ADCY8: variants seen among roughly 807,000 people sequenced by gnomAD.
ADCY8 encodes the protein adenylate cyclase 8.
ADCY8 carries 51 observed loss-of-function variants against 119.7 expected under a neutral mutation model. The ratio of observed to expected loss-of-function variants is 0.43; its 90% CI spans 0.34 to 0.54. The LOEUF is 0.54. Ranked by LOEUF, ADCY8 falls within the 20% of genes least tolerant of loss-of-function variation. ADCY8 has a pLI of 0.03. For missense variants in ADCY8, 1,383 were observed against 1,598.8 expected, an observed-to-expected ratio of 0.87 and a Z score of 2.30; for synonymous variants, 665 against 651.0, an observed-to-expected ratio of 1.02 and a Z score of -0.33.
At chr8:130,850,098 A>C (rs1817470931) in intron 9 of ADCY8, among the ~76,000 whole-genome samples, 1 of 152,132 alleles carries the variant, frequency 6.6e-6, no homozygotes, top group African/African-American at 2.4e-5. Context: ...TCATGGCAAC[A>C]CACCACTCTA....
chr8:130,805,263 A>G (rs1056022221), intron 14 of ADCY8, among the ~76,000 whole-genome samples: 2 of 152,216 alleles, frequency 1.3e-5, no homozygotes, highest in South Asian at 4.1e-4. Context: ...TCTATGGGGA[A>G]ACTGGGGGAT....
intron 2 of ADCY8, among the ~76,000 whole-genome samples, chr8:130,967,495 A>G (rs1821796547): frequency 6.6e-6 from 1 of 152,244 alleles, no homozygotes; most frequent in Non-Finnish European, 1.5e-5. Context: ...AGGATTGTTT[A>G]GACTAAATGA....
intron 2 of ADCY8, among the ~76,000 whole-genome samples, chr8:130,957,935 A>G (rs6470872): frequency 0.98 from 149,769 of 152,332 alleles, 73,637 homozygotes; most frequent in African/African-American, 1. Context: ...CAGGGATGGG[A>G]CATTCATGGA....
At chr8:130,862,080 A>T (rs567653403) in intron 9 of ADCY8, among the ~76,000 whole-genome samples, 5 of 152,178 alleles carry the variant, frequency 3.3e-5, no homozygotes, top group African/African-American at 9.6e-5. Flanking sequence ...TTCATTTGCT[A>T]ATATTTTGTT....
chr8:131,035,099 G>A (rs1003284437), intron 1 of ADCY8, among the ~76,000 whole-genome samples: 35 of 152,152 alleles, frequency 2.3e-4, no homozygotes, highest in African/African-American at 7.7e-4. Context: ...TGGATAAATC[G>A]AATTGGTGAT....
At chr8:130,969,248 C>T (rs932168030) in intron 2 of ADCY8, among the ~76,000 whole-genome samples, 1 of 152,128 alleles carries the variant, frequency 6.6e-6, no homozygotes, top group Non-Finnish European at 1.5e-5. Flanking sequence ...TGACCTCTCC[C>T]AAGCAGAAAG....
intron 14 of ADCY8, 94 bp downstream of exon 14, chr8:130,813,975 C>T: frequency 2.0e-6 from 3 of 1,470,336 alleles, no homozygotes; most frequent in Non-Finnish European, 2.8e-6. Flanking sequence ...CACATGATGA[C>T]AGTGAAATTC....
chr8:130,839,566 G>A (rs1373626806), intron 11 of ADCY8, among the ~76,000 whole-genome samples: 1 of 140,330 alleles, frequency 7.1e-6, no homozygotes, highest in African/African-American at 2.4e-5. Context: ...TGAAAGCTTT[G>A]TGAAAACATT....
chr8:130,843,597 T>G (rs1277362443), intron 11 of ADCY8, among the ~76,000 whole-genome samples: 6 of 152,208 alleles, frequency 3.9e-5, no homozygotes, highest in Non-Finnish European at 7.3e-5. Flanking sequence ...TGATGCCCAG[T>G]GCCTTGAAAA....
chr8:131,007,388 A>G (rs933340642), intron 1 of ADCY8, among the ~76,000 whole-genome samples: 8 of 152,160 alleles, frequency 5.3e-5, no homozygotes, highest in Non-Finnish European at 5.9e-5. Flanking sequence ...ACATCTGACA[A>G]TGCCTGAAGA....
intron 2 of ADCY8, among the ~76,000 whole-genome samples, chr8:130,977,085 A>G (rs1822094147): frequency 6.6e-6 from 1 of 152,210 alleles, no homozygotes; most frequent in African/African-American, 2.4e-5. Context: ...AATTGATCAG[A>G]GGCTGGAAGT....
intron 13 of ADCY8, among the ~76,000 whole-genome samples, chr8:130,816,705 A>G (rs150899782): frequency 0.02 from 3,098 of 152,274 alleles, 103 homozygotes; most frequent in African/African-American, 0.071. Context: ...GATTACAGGC[A>G]TGAGCCACTG....
At chr8:130,958,928 C>G (rs1821517317) in intron 2 of ADCY8, among the ~76,000 whole-genome samples, 1 of 150,866 alleles carries the variant, frequency 6.6e-6, no homozygotes, top group Non-Finnish European at 1.5e-5. Flanking sequence ...GATGATATAC[C>G]TTTTGTCTCT....
At chr8:131,009,256 C>A (rs1342756870) in intron 1 of ADCY8, among the ~76,000 whole-genome samples, 15 of 152,272 alleles carry the variant, frequency 9.9e-5, no homozygotes, top group South Asian at 4.1e-4. Context: ...CTGGGGTAGG[C>A]CAAGGGCCCC....
intron 1 of ADCY8, among the ~76,000 whole-genome samples, chr8:130,994,354 A>G (rs1261165823): frequency 6.6e-6 from 1 of 152,236 alleles, no homozygotes; most frequent in Non-Finnish European, 1.5e-5. Flanking sequence ...GTAAAGCACC[A>G]GTGATTTCAC....
chr8:131,016,237 T>C (rs1823471466), intron 1 of ADCY8, among the ~76,000 whole-genome samples: 1 of 152,082 alleles, frequency 6.6e-6, no homozygotes, highest in Admixed American at 6.6e-5. Context: ...CAATTTTAAA[T>C]AAGAGGCTGG....
intron 14 of ADCY8, among the ~76,000 whole-genome samples, chr8:130,803,975 G>T (rs1048245974): frequency 6.6e-6 from 1 of 152,202 alleles, no homozygotes; most frequent in Non-Finnish European, 1.5e-5. Flanking sequence ...TAGCAGTCAG[G>T]GAGCAGAGCA....
intron 1 of ADCY8, 131 bp from the exon 2 acceptor site, chr8:130,990,673 G>A: frequency 2.6e-6 from 3 of 1,152,486 alleles, no homozygotes; most frequent in Non-Finnish European, 3.6e-6. Flanking sequence ...TCGCATGTTT[G>A]TAGAGCTATG....
intron 15 of ADCY8, among the ~76,000 whole-genome samples, chr8:130,790,693 C>G (rs1323529954): frequency 2.0e-5 from 3 of 152,172 alleles, no homozygotes; most frequent in African/African-American, 7.2e-5. Flanking sequence ...CCCATCTATG[C>G]TGGCTGGTAG....
Sources: gnomAD v4.1 joint callset for allele counts (sites outside exome capture counted in the v4.1 genomes callset) on GRCh38, gnomAD v4.1.1 for gene constraint, MANE v1.5 for transcripts, NCBI Gene and HGNC (gene_info 2026-07-23, HGNC 2026-07-21) for gene names.